The following HSPA4 variants were observed in gnomAD, a reference collection of about 807,000 sequenced individuals.
HSPA4 encodes heat shock protein family A (Hsp70) member 4.
A neutral mutation model predicts 106.2 loss-of-function variants in HSPA4; 25 were observed. The ratio of observed to expected loss-of-function variants is 0.24; its 90% confidence interval spans 0.17 to 0.33. The LOEUF is 0.33. Ranked by LOEUF, HSPA4 falls within the 10% of genes least tolerant of loss-of-function variation. The pLI, the probability that HSPA4 is intolerant of heterozygous loss-of-function variation, is 1.00. For missense variants in HSPA4, 841 were observed against 996.0 expected, an observed-to-expected ratio of 0.84 and a Z score of 2.10; for synonymous variants, 332 against 333.6, an observed-to-expected ratio of 1.00 and a Z score of 0.05.
intron 7 of HSPA4, 61 bp downstream of exon 7, chr5:133,076,959 C>T: frequency 7.5e-7 from 1 of 1,330,336 alleles, no homozygotes; most frequent in Non-Finnish European, 1.1e-6. Context: ...ATATATTAAC[C>T]TTTAATTGGC....
intron 4 of HSPA4, 46 bp downstream of exon 4, chr5:133,070,542 A>C: frequency 6.2e-7 from 1 of 1,601,076 alleles, no homozygotes; most frequent in Non-Finnish European, 8.5e-7. Context: ...ATGAAGAAGC[A>C]GAGAGAAGAA....
At chr5:133,056,140 A>T (rs553624274) in intron 1 of HSPA4, among the ~76,000 whole-genome samples, 1 of 152,194 alleles carries the variant, frequency 6.6e-6, no homozygotes, top group East Asian at 1.9e-4. Flanking sequence ...GATGAGTAGG[A>T]TTTTACCTTG....
In HSPA4 at chr5:133,097,210, A is replaced by G; in HGVS notation, c.1853A>G (p.Lys618Arg). The stretch of plus-strand genomic sequence containing the variant: ...CTGGAGAAGGAGCGGAATGATGCTA[A>G]GAACGCAGTGGAGGAATATGTGTAT... ...DKLEKERNDA[K>R]NAVEEYVYEM... The change falls in exon 15 of 19, where the codon AAG becomes AGG. Residue 618 changes from lysine to arginine, a missense_variant. Transcript: ENST00000304858. The G allele has an allele frequency of 1.2e-6, 2 of 1,612,024 alleles. No homozygotes were observed. The highest frequency in any genetic ancestry group is 1.7e-6 in the Non-Finnish European group (2 of 1,178,190).
intron 1 of HSPA4, among the ~76,000 whole-genome samples, chr5:133,057,122 G>A (rs1028795489): frequency 6.6e-6 from 1 of 152,182 alleles, no homozygotes; most frequent in African/African-American, 2.4e-5. Context: ...AATCTCAAAA[G>A]TATGAGTTGT....
chr5:133,061,223 C>CGCCATTCTCCTGCCTCA (rs1765237930), intron 1 of HSPA4, among the ~76,000 whole-genome samples: 1 of 150,988 alleles, frequency 6.6e-6, no homozygotes, highest in Non-Finnish European at 1.5e-5. Flanking sequence ...GCTGGGTTCA[C>CGCCATTCTCCTGCCTCA]GCCATTCTCC....
chr5:133,096,154 G>A lies in HSPA4; in HGVS notation c.1707G>A (p.Lys569=). 1 of 1,613,944 alleles carries A rather than the reference G, an allele frequency of 6.2e-7. No homozygotes were observed. The highest frequency in any genetic ancestry group is 1.1e-5 in the South Asian group (1 of 91,074). The part of the protein sequence containing the change: ...KKMDQPPQAK[K]AKVKTSTVDL... Reference sequence around the variant, plus strand: ...TGGACCAACCACCCCAAGCCAAGAAGGCAAAAGTGAAGACCAGTACTGTGG... The same window carrying A: ...TGGACCAACCACCCCAAGCCAAGAAAGCAAAAGTGAAGACCAGTACTGTGG... Residue 569 remains lysine, a synonymous_variant, in exon 14 of 19, where the codon AAG becomes AAA. Transcript: ENST00000304858.
intron 14 of HSPA4, 62 bp downstream of exon 14, chr5:133,096,312 ACT>A (rs1765711546): frequency 2.1e-6 from 3 of 1,460,968 alleles, no homozygotes; most frequent in Non-Finnish European, 2.8e-6. Context: ...TAGTATTCAG[ACT>A]CTGTGTCTAG....
chr5:133,061,291 T>C (rs1765239126), intron 1 of HSPA4, among the ~76,000 whole-genome samples: 1 of 151,270 alleles, frequency 6.6e-6, no homozygotes, highest in African/African-American at 2.4e-5. Context: ...CCTGGCTAAT[T>C]TTTTGTATTT....
rs747012950 is a variant in HSPA4, at chr5:133,085,489, T to TAAAAAAAAAAAAA, written c.909-1292_909-1280dup. 8.9e-4 allele frequency among the ~76,000 whole-genome samples: 98 copies of TAAAAAAAAAAAAA among 110,138 alleles called. 5 individuals are homozygous for TAAAAAAAAAAAAA. Among genetic ancestry groups the TAAAAAAAAAAAAA allele is most frequent in the African/African-American group, 3.4e-3 (68 of 20,046 alleles). The allele number at this position is 110,138 out of a possible 152,430, so 72.3% of individuals were successfully genotyped here. Reference sequence around the variant, plus strand: ...CAACATGGTGAAATCCCATCTCTACTAAAAAAAAAAAAATACAAAATTAGC... The same window carrying TAAAAAAAAAAAAA: ...CAACATGGTGAAATCCCATCTCTACTAAAAAAAAAAAAAAAAAAAAAAAAAATACAAAATTAGC... On this transcript the variant is annotated intron_variant, in intron 7 of 18. Coordinates refer to ENST00000304858, the MANE Select transcript of HSPA4 (RefSeq NM_002154.4).
chr5:133,091,061 T>G (rs765865986), intron 11 of HSPA4, 132 bp from the exon 12 acceptor site: 1 of 799,478 alleles, frequency 1.3e-6, no homozygotes, highest in Non-Finnish European at 2.3e-6. Context: ...AAAGGACCGA[T>G]TTTGCTTATT....
rs1765827360 is a variant in HSPA4, at chr5:133,104,305, A to G, written c.2392A>G (p.Lys798Glu). 1 of 1,614,090 alleles carries G rather than the reference A, an allele frequency of 6.2e-7. No individual in the cohort carries two copies. Among genetic ancestry groups the G allele is most frequent in the African/African-American group, 1.3e-5 (1 of 74,936 alleles). The change falls in exon 19 of 19, where the codon AAA (lysine) becomes GAA (glutamate). Residue 798 changes from lysine to glutamate, a missense_variant. Physicochemically the swap from Lys to Glu is moderately conservative, Grantham distance 56. This residue lies in a region of HSPA4 where 328 missense variants were observed against 372.2 expected (regional missense o/e 0.88). Transcript: ENST00000304858. ...AGTGGAACCTCCAAAAGAGGAACAA[A>G]AAAATGCAGAGCAGAATGGACCAGT... Reference protein sequence around the residue: ...PKVEPPKEEQKNAEQNGPVDG... With the variant: ...PKVEPPKEEQENAEQNGPVDG...
At chr5:133,062,913 A>G (rs553464150) in intron 1 of HSPA4, among the ~76,000 whole-genome samples, 1 of 152,204 alleles carries the variant, frequency 6.6e-6, no homozygotes, top group East Asian at 1.9e-4. Flanking sequence ...GTTTCTACCA[A>G]ATCAGTAGTT....
At chr5:133,090,785 C>T (rs1298730336) in intron 11 of HSPA4, among the ~76,000 whole-genome samples, 1 of 152,022 alleles carries the variant, frequency 6.6e-6, no homozygotes, top group East Asian at 1.9e-4. Flanking sequence ...AAACCTTGTA[C>T]AGTCACTGGA....
chr5:133,079,380 G>A (rs1765487190), intron 7 of HSPA4, among the ~76,000 whole-genome samples: 2 of 152,164 alleles, frequency 1.3e-5, no homozygotes, highest in Admixed American at 1.3e-4. Context: ...TTTCATATAA[G>A]TGTAATCATG....
rs140728806 is a variant in HSPA4, at chr5:133,104,296, G to C, written c.2383G>C (p.Glu795Gln). 51 of 1,613,990 alleles carry C rather than the reference G, an allele frequency of 3.2e-5. No individual in the cohort carries two copies. The African/African-American group carries it at 6.5e-4, about 21-fold the overall frequency. Residue 795 changes from glutamate to glutamine, a missense_variant, in exon 19 of 19, where the codon GAG (glutamate) becomes CAG (glutamine). Glu to Gln is a conservative substitution (Grantham distance 29). Around this residue, in one of 5 missense-constraint regions of HSPA4, gnomAD observed 328 missense variants for 372.2 expected, o/e 0.88. Transcript: ENST00000304858. ...CAAACCCAAAGTGGAACCTCCAAAA[G>C]AGGAACAAAAAAATGCAGAGCAGAA... The part of the protein sequence containing the change: ...KPKPKVEPPK[E>Q]EQKNAEQNGP...
intron 1 of HSPA4, among the ~76,000 whole-genome samples, chr5:133,056,878 T>A (rs1001490948): frequency 2.0e-5 from 3 of 152,208 alleles, no homozygotes; most frequent in Non-Finnish European, 4.4e-5. Context: ...GTTAAAACTA[T>A]AACTTATACC....
At chr5:133,057,823 C>T (rs1478852096) in intron 1 of HSPA4, among the ~76,000 whole-genome samples, 4 of 152,182 alleles carry the variant, frequency 2.6e-5, no homozygotes, top group African/African-American at 9.7e-5. Context: ...ATTGACTTGG[C>T]ATTGTGTGTA....
chr5:133,062,672 G>A (rs140381985), intron 1 of HSPA4, among the ~76,000 whole-genome samples: 172 of 152,260 alleles, frequency 1.1e-3, no homozygotes, highest in African/African-American at 3.8e-3. Context: ...TTGCTTTTGA[G>A]GGGCTACTCC....
rs745464945 is a variant in HSPA4 at position 133,089,204 on chromosome 5, CT to C, written c.1244+44del. On this transcript the variant is annotated intron_variant, in intron 10 of 18. Coordinates refer to ENST00000304858, the MANE Select transcript of HSPA4 (RefSeq NM_002154.4). The stretch of plus-strand genomic sequence containing the variant: ...CATTTACATATCTAAAGTTAATTGA[CT>C]ATTAGGTCTGAGTAATATGTTGCTT... 5.6e-6 allele frequency: 6 copies of C among 1,077,270 alleles called. No homozygotes were observed. The East Asian group carries it at 1.4e-4, about 26-fold the overall frequency. The allele number at this position is 1,077,270 out of a possible 1,614,324, so 66.7% of individuals were successfully genotyped here.
Sources: gnomAD v4.1 joint callset for allele counts (sites outside exome capture counted in the v4.1 genomes callset) on GRCh38, gnomAD v4.1.1 for gene constraint, gnomAD v4.1.1 regional missense constraint, MANE v1.5 for transcripts, NCBI Gene and HGNC (gene_info 2026-07-23, HGNC 2026-07-21) for gene names.